Variants in HMCN1 observed in about 807,000 individuals in gnomAD.
The protein encoded by HMCN1 is hemicentin 1, also known as hemicentin-1.
HMCN1 carries 321 observed loss-of-function variants against 625.9 expected under a neutral mutation model. The observed-to-expected ratio is 0.51, with a 90% confidence interval of 0.47 to 0.56. The LOEUF (loss-of-function observed/expected upper bound fraction) is 0.56. Ranked by LOEUF, HMCN1 falls within the 20% of genes least tolerant of loss-of-function variation. The pLI is 0.00. For synonymous variants in HMCN1, 2,425 were observed against 2,417.6 expected (o/e 1.00, Z -0.09); for missense variants, 6,588 against 6,887.3 (o/e 0.96, Z 1.54).
rs1411329551 is a variant in HMCN1, at chr1:186,045,941, T to C, written c.6480+78T>C. 1.6e-5 allele frequency: 16 copies of C among 1,028,626 alleles called. No individual in the cohort carries two copies. In the Admixed American group the frequency reaches 2.7e-4, roughly 17 times the overall value. 63.7% of individuals were successfully genotyped at this position (1,028,626 alleles called of 1,614,324 possible). ...TTGGTATTACCCTATTTAGCGTGACTGTCTTTTATAAGTGTTGGACTAATT... is the reference window on the plus strand; with the variant it reads ...TTGGTATTACCCTATTTAGCGTGACCGTCTTTTATAAGTGTTGGACTAATT... On this transcript the variant is annotated intron_variant, in intron 41 of 106. Coordinates refer to ENST00000271588, the MANE Select transcript of HMCN1 (RefSeq NM_031935.3).
chr1:185,950,446 A>T (rs1006668759), intron 11 of HMCN1, among the ~76,000 whole-genome samples: 2,668 of 149,670 alleles, frequency 0.018, 68 homozygotes, highest in African/African-American at 0.06. Flanking sequence ...GGCTACAGGG[A>T]GTGGTCCTGG....
At position 186,103,530 on chromosome 1, in the gene HMCN1, C is replaced by A. The variant is rs780256777; in HGVS notation, c.10632C>A (p.Asn3544Lys). 1 of 1,613,662 alleles carries A rather than the reference C, an allele frequency of 6.2e-7. No homozygotes were observed. The highest frequency in any genetic ancestry group is 1.1e-5 in the South Asian group (1 of 91,074). ...AAGAGATATCAGTAATTGTTAATAA[C>A]CCACTTGAACTTACCTGCATTGCTT... is the stretch of plus-strand genomic sequence containing the variant. Reference protein sequence around the residue: ...EHEEISVIVNNPLELTCIASG... With the variant: ...EHEEISVIVNKPLELTCIASG... The change falls in exon 69 of 107, where the codon AAC becomes AAA. Residue 3544 changes from asparagine (N) to lysine (K), a missense_variant. By Grantham distance (94) the Asn-to-Lys change is moderately conservative. Around this residue, in one of 3 missense-constraint regions of HMCN1, gnomAD observed 4,628 missense variants for 4,853.1 expected, o/e 0.95. Transcript: ENST00000271588.
intron 45 of HMCN1, 32 bp from the exon 46 acceptor site, chr1:186,057,202 C>T: frequency 4.4e-6 from 7 of 1,578,286 alleles, no homozygotes; most frequent in Non-Finnish European, 4.4e-6. Flanking sequence ...ACTAATATTT[C>T]CATTCCCTGT....
intron 4 of HMCN1, among the ~76,000 whole-genome samples, chr1:185,897,289 C>T (rs1227083022): frequency 6.6e-6 from 1 of 152,176 alleles, no homozygotes. Flanking sequence ...ACTGATCATT[C>T]TGCTTCCAGC....
intron 17 of HMCN1, among the ~76,000 whole-genome samples, chr1:185,981,485 T>G (rs1485111718): frequency 6.6e-6 from 1 of 152,184 alleles, no homozygotes; most frequent in Non-Finnish European, 1.5e-5. Flanking sequence ...TATCTATTAT[T>G]GAATATTCTC....
chr1:186,125,466 ATAT>A, intron 81 of HMCN1, 135 bp from the exon 82 acceptor site: 1 of 686,392 alleles, frequency 1.5e-6, no homozygotes, highest in Non-Finnish European at 2.6e-6. Context: ...AAGCAAATCA[ATAT>A]CTTAATAGAT....
At chr1:185,763,956 G>A (rs2102128932) in intron 1 of HMCN1, among the ~76,000 whole-genome samples, 1 of 152,200 alleles carries the variant, frequency 6.6e-6, no homozygotes, top group South Asian at 2.1e-4. Flanking sequence ...TTTTTGTTCA[G>A]GTCAAAAAGA....
chr1:186,093,218 C>G lies in HMCN1; in HGVS notation c.9972C>G (p.Pro3324=). The G allele has an allele frequency of 6.2e-7, 1 of 1,613,226 alleles. No homozygotes were observed. Among genetic ancestry groups the G allele is most frequent in the Non-Finnish European group, 8.5e-7 (1 of 1,179,530 alleles). ...AATACACATGTGTTGCTACTAATCC[C>G]GCTGGAGAAGAAGACCGAATTTTTA... ...TGKYTCVATN[P]AGEEDRIFNL... Residue 3324 remains proline (P), a synonymous_variant, in exon 65 of 107, where the codon CCC becomes CCG. Transcript: ENST00000271588.
chr1:186,176,950 C>A (rs1652626100), intron 103 of HMCN1: 1 of 152,060 alleles, frequency 6.6e-6, no homozygotes, highest in Non-Finnish European at 1.5e-5. Context: ...GGGTGGATCA[C>A]GAGGTCAGGA....
intron 44 of HMCN1, 84 bp from the exon 45 acceptor site, chr1:186,055,309 A>C (rs1657236140): frequency 8.4e-7 from 1 of 1,191,188 alleles, no homozygotes; most frequent in Non-Finnish European, 1.2e-6. Context: ...AAATATATTT[A>C]AGTTTGGCTG....
chr1:185,986,861 A>T (rs1472086412), intron 19 of HMCN1, among the ~76,000 whole-genome samples: 1 of 149,890 alleles, frequency 6.7e-6, no homozygotes, highest in African/African-American at 2.4e-5. Context: ...AATTAATTAA[A>T]TAAATTAAAT....
rs563203077 is a variant in HMCN1 at position 186,010,020 on chromosome 1, T to C, written c.4630+2738T>C. Among the ~76,000 whole-genome samples the C allele has an allele frequency of 2.0e-5, 3 of 152,244 alleles. No homozygotes were observed. The South Asian group carries it at 6.2e-4, about 32-fold the overall frequency. ...TGAGAATCTGATGCCCTCGTTGAGA[T>C]GACAGGAGACAGAGCTCAGGTGGTA... is the stretch of plus-strand genomic sequence containing the variant. On this transcript the variant is annotated intron_variant, in intron 30 of 106. Transcript: ENST00000271588.
chr1:186,057,008 T>A (rs1657373719), intron 45 of HMCN1, among the ~76,000 whole-genome samples: 1 of 148,506 alleles, frequency 6.7e-6, no homozygotes. Context: ...GAGGAAGAAG[T>A]GACATTTTTA....
intron 77 of HMCN1, among the ~76,000 whole-genome samples, chr1:186,118,541 G>C (rs915938825): frequency 2.6e-5 from 4 of 152,080 alleles, no homozygotes; most frequent in Non-Finnish European, 2.9e-5. Flanking sequence ...TCTACACAAA[G>C]GCTTATATGC....
chr1:185,966,239 AT>A (rs887496419), intron 14 of HMCN1, among the ~76,000 whole-genome samples: 1 of 152,148 alleles, frequency 6.6e-6, no homozygotes, highest in Non-Finnish European at 1.5e-5. Flanking sequence ...AGCTCCGCTG[AT>A]TTTAGTTCAC....
intron 49 of HMCN1, among the ~76,000 whole-genome samples, chr1:186,065,973 T>A (rs1186322367): frequency 6.6e-6 from 1 of 152,186 alleles, no homozygotes; most frequent in Non-Finnish European, 1.5e-5. Flanking sequence ...TCTACTAAAA[T>A]CAACTGACCT....
At chr1:186,141,857 A>C (rs891244087) in intron 89 of HMCN1, among the ~76,000 whole-genome samples, 4 of 152,246 alleles carry the variant, frequency 2.6e-5, no homozygotes, top group Non-Finnish European at 5.9e-5. Flanking sequence ...TAGTTATTCA[A>C]GCCCAGAGTG....
intron 1 of HMCN1, among the ~76,000 whole-genome samples, chr1:185,736,405 G>A (rs1454575624): frequency 6.6e-6 from 1 of 152,234 alleles, no homozygotes; most frequent in Non-Finnish European, 1.5e-5. Flanking sequence ...TTCATATGTT[G>A]TGATTTTCAA....
chr1:185,994,357 T>C (rs1652640457), intron 23 of HMCN1, among the ~76,000 whole-genome samples: 1 of 152,146 alleles, frequency 6.6e-6, no homozygotes, highest in Admixed American at 6.6e-5. Context: ...CATGAGAAAC[T>C]TTTCTTATTG....
Sources: gnomAD v4.1 joint callset for allele counts (sites outside exome capture counted in the v4.1 genomes callset) on GRCh38, gnomAD v4.1.1 for gene constraint, gnomAD v4.1.1 regional missense constraint, MANE v1.5 for transcripts, NCBI Gene and HGNC (gene_info 2026-07-23, HGNC 2026-07-21) for gene names.